Variants in GOLPH3 observed in about 807,000 individuals in gnomAD.
GOLPH3 encodes coat protein GPP34.
Under a neutral mutation model 28.5 loss-of-function variants are expected in GOLPH3, and 14 were observed. That is an observed-to-expected ratio of 0.49 (90% CI 0.32 to 0.77). GOLPH3 has a LOEUF of 0.77. GOLPH3 is among the 30% of genes least tolerant of loss of function. The pLI is 0.03. For missense variants in GOLPH3, 350 were observed against 393.7 expected, an observed-to-expected ratio of 0.89 and a Z score of 0.94; for synonymous variants, 158 against 159.2, an observed-to-expected ratio of 0.99 and a Z score of 0.06.
At chr5:32,147,402 C>G (rs1561669971) in intron 1 of GOLPH3, among the ~76,000 whole-genome samples, 1 of 151,754 alleles carries the variant, frequency 6.6e-6, no homozygotes, top group East Asian at 1.9e-4. Context: ...CCACTGCACT[C>G]TAGCCTGGTG....
chr5:32,158,018 T>TAAATAAAA (rs1465994608), intron 1 of GOLPH3, among the ~76,000 whole-genome samples: 1 of 26,960 alleles, frequency 3.7e-5, no homozygotes, highest in African/African-American at 1.4e-4. Flanking sequence ...AATAAATAAA[T>TAAATAAAA]AAAATACACA....
intron 1 of GOLPH3, chr5:32,173,604 G>A (rs1451110118): frequency 1.3e-5 from 5 of 382,902 alleles, no homozygotes; most frequent in Non-Finnish European, 2.3e-5. Flanking sequence ...TCTCTACGGG[G>A]AGGATCCAGA....
At chr5:32,146,610 T>C (rs1211400566) in intron 1 of GOLPH3, among the ~76,000 whole-genome samples, 1 of 152,206 alleles carries the variant, frequency 6.6e-6, no homozygotes, top group Non-Finnish European at 1.5e-5. Context: ...CCCAGAAGCT[T>C]TTTGTTAAGA....
intron 3 of GOLPH3, among the ~76,000 whole-genome samples, chr5:32,135,191 G>A (rs896301906): frequency 6.6e-6 from 1 of 152,208 alleles, no homozygotes; most frequent in African/African-American, 2.4e-5. Context: ...CTGGCTGCCA[G>A]AGTGAGGATG....
chr5:32,126,668 T>G (rs780426336), intron 3 of GOLPH3, 32 bp from the exon 4 acceptor site: 2 of 1,581,280 alleles, frequency 1.3e-6, no homozygotes, highest in Admixed American at 3.5e-5. Flanking sequence ...TTAGAAATGA[T>G]GAGTATTATC....
chr5:32,164,837 T>C (rs1746672606), intron 1 of GOLPH3, among the ~76,000 whole-genome samples: 1 of 152,000 alleles, frequency 6.6e-6, no homozygotes, highest in Admixed American at 6.6e-5. Flanking sequence ...AGTAAATTTA[T>C]TTAATAAGTA....
intron 1 of GOLPH3, among the ~76,000 whole-genome samples, chr5:32,151,425 A>G (rs1289186815): frequency 6.6e-6 from 1 of 152,144 alleles, no homozygotes; most frequent in Non-Finnish European, 1.5e-5. Flanking sequence ...ACTCGGGAGG[A>G]CTTGAGCCTG....
chr5:32,142,971 C>G (rs575535493), intron 2 of GOLPH3, among the ~76,000 whole-genome samples: 1 of 152,038 alleles, frequency 6.6e-6, no homozygotes, highest in Admixed American at 6.5e-5. Flanking sequence ...TCACTGAGAA[C>G]GGGCCATGAT....
chr5:32,140,336 T>G (rs1746029171), intron 2 of GOLPH3, among the ~76,000 whole-genome samples: 1 of 151,870 alleles, frequency 6.6e-6, no homozygotes, highest in South Asian at 2.1e-4. Flanking sequence ...AGACCTTATC[T>G]CTAACAAAAA....
chr5:32,141,758 C>G (rs912950345), intron 2 of GOLPH3, among the ~76,000 whole-genome samples: 6 of 152,172 alleles, frequency 3.9e-5, no homozygotes, highest in African/African-American at 1.4e-4. Flanking sequence ...CGCGCCGCCA[C>G]GCCTGACTGG....
At chr5:32,130,105 T>C (rs1581536254) in intron 3 of GOLPH3, among the ~76,000 whole-genome samples, 1 of 152,204 alleles carries the variant, frequency 6.6e-6, no homozygotes, top group Non-Finnish European at 1.5e-5. Flanking sequence ...CCTCCCAAAA[T>C]GCTGGGATTA....
chr5:32,134,848 A>C (rs1408886817), intron 3 of GOLPH3: 1 of 150,580 alleles, frequency 6.6e-6, no homozygotes, highest in East Asian at 1.9e-4. Flanking sequence ...CCCTAAAAAA[A>C]CCTCTTTTAC....
intron 1 of GOLPH3, among the ~76,000 whole-genome samples, chr5:32,159,787 T>C (rs967130873): frequency 2.0e-5 from 3 of 152,160 alleles, no homozygotes; most frequent in Non-Finnish European, 4.4e-5. Flanking sequence ...CTTTTTACAT[T>C]TGAAAAATCT....
At chr5:32,143,968 A>G (rs917291943) in intron 1 of GOLPH3, 88 bp from the exon 2 acceptor site, 13 of 831,740 alleles carry the variant, frequency 1.6e-5, no homozygotes, top group Non-Finnish European at 2.1e-5. Flanking sequence ...AGCCAAAGTC[A>G]TATTTGGTGC....
chr5:32,152,439 T>C lies in GOLPH3; in HGVS notation c.226-8559A>G, dbSNP rs551993009. Reference sequence around the variant, plus strand: ...CGCGCCTGCCCCCCCCAGCCTTTTTTTTTTTTTTTAAACTACATGAAATCA... The same window carrying C: ...CGCGCCTGCCCCCCCCAGCCTTTTTCTTTTTTTTTAAACTACATGAAATCA... On this transcript the variant is annotated intron_variant, in intron 1 of 3. Transcript: ENST00000265070. Among the ~76,000 whole-genome samples the C allele has an allele frequency of 1.1e-4, 17 of 149,064 alleles. 1 individual carries two copies. The South Asian group carries it at 3.7e-3, about 32-fold the overall frequency.
At chr5:32,139,186 A>G (rs1746004258) in intron 2 of GOLPH3, among the ~76,000 whole-genome samples, 1 of 152,254 alleles carries the variant, frequency 6.6e-6, no homozygotes, top group Admixed American at 6.5e-5. Context: ...ATTGAGGATC[A>G]AAAATATCCA....
intron 2 of GOLPH3, among the ~76,000 whole-genome samples, chr5:32,138,916 GA>G (rs1486977398): frequency 3.9e-5 from 6 of 152,236 alleles, no homozygotes; most frequent in African/African-American, 1.4e-4. Context: ...AGCCTCAGGA[GA>G]AAAAGTTACA....
At chr5:32,138,835 C>T (rs1039193680) in intron 2 of GOLPH3, among the ~76,000 whole-genome samples, 1 of 152,164 alleles carries the variant, frequency 6.6e-6, no homozygotes, top group Non-Finnish European at 1.5e-5. Context: ...ATCAAAGTTC[C>T]ATCAAACAGT....
chr5:32,159,942 A>C (rs1746538760), intron 1 of GOLPH3, among the ~76,000 whole-genome samples: 1 of 152,226 alleles, frequency 6.6e-6, no homozygotes, highest in Non-Finnish European at 1.5e-5. Context: ...ACATTTTGAC[A>C]AGTCCTATGT....
Sources: gnomAD v4.1 joint callset for allele counts (sites outside exome capture counted in the v4.1 genomes callset) on GRCh38, gnomAD v4.1.1 for gene constraint, MANE v1.5 for transcripts, NCBI Gene and HGNC (gene_info 2026-07-23, HGNC 2026-07-21) for gene names.